ANKRD11: variants seen among roughly 807,000 people sequenced by gnomAD.
The protein encoded by ANKRD11 is ankyrin repeat domain 11, also known as ankyrin repeat domain-containing protein 11.
ANKRD11 carries 17 observed loss-of-function variants against 195.7 expected under a neutral mutation model. The ratio of observed to expected loss-of-function variants is 0.09; its 90% CI spans 0.06 to 0.13. The LOEUF (loss-of-function observed/expected upper bound fraction) is 0.13, where lower values mean the gene tolerates loss of function less well. Among genes scored for constraint, ANKRD11 ranks in the 10% least tolerant of loss-of-function variants. The pLI is 1.00. For synonymous variants in ANKRD11, 1,953 were observed against 1,528.1 expected (o/e 1.28, Z -6.49); for missense variants, 3,735 against 3,566.1 (o/e 1.05, Z -1.21).
intron 2 of ANKRD11, among the ~76,000 whole-genome samples, chr16:89,337,115 G>A (rs1388212776): frequency 1.3e-5 from 2 of 151,706 alleles, no homozygotes; most frequent in Admixed American, 6.6e-5. Context: ...GAACCTGGCA[G>A]GCACAGGCTG....
chr16:89,442,389 G>A (rs1237413449), intron 1 of ANKRD11, among the ~76,000 whole-genome samples: 1 of 152,162 alleles, frequency 6.6e-6, no homozygotes, highest in Non-Finnish European at 1.5e-5. Flanking sequence ...ATCTGTCTCA[G>A]AAAACCACCT....
intron 2 of ANKRD11, among the ~76,000 whole-genome samples, chr16:89,408,592 C>G (rs929120475): frequency 1.3e-5 from 2 of 152,210 alleles, no homozygotes; most frequent in African/African-American, 4.8e-5. Context: ...CACACACACT[C>G]AGACCCTCAG....
chr16:89,316,754 A>C (rs2036981508), intron 3 of ANKRD11, among the ~76,000 whole-genome samples, 179 bp downstream of exon 3: 1 of 152,192 alleles, frequency 6.6e-6, no homozygotes, highest in Non-Finnish European at 1.5e-5. Context: ...AATACAAAAA[A>C]AGCAAGGCCA....
At chr16:89,475,278 G>C (rs950579051) in intron 1 of ANKRD11, among the ~76,000 whole-genome samples, 2 of 152,194 alleles carry the variant, frequency 1.3e-5, no homozygotes, top group African/African-American at 4.8e-5. Flanking sequence ...CAATCATTCT[G>C]ATGATGCAGC....
At chr16:89,289,586 G>A (rs540608517) in intron 6 of ANKRD11, among the ~76,000 whole-genome samples, 1 of 152,316 alleles carries the variant, frequency 6.6e-6, no homozygotes, top group East Asian at 1.9e-4. Context: ...GTGAAGTGAG[G>A]GAGTCCAGTC....
chr16:89,351,184 C>G (rs778605368), intron 2 of ANKRD11, among the ~76,000 whole-genome samples: 1 of 152,208 alleles, frequency 6.6e-6, no homozygotes, highest in African/African-American at 2.4e-5. Flanking sequence ...TGAAGAAAAG[C>G]AGAGAGGCGG....
Position 89,284,533 on chromosome 16 carries a change from T to G in ANKRD11, c.2009A>C (p.Lys670Thr). 1 of 1,614,186 alleles carries G rather than the reference T, an allele frequency of 6.2e-7. No individual in the cohort carries two copies. Among genetic ancestry groups the G allele is most frequent in the East Asian group, 2.2e-5 (1 of 44,884 alleles). ...EYEDSKQKSD[K>T]AILLENDLST... Reference sequence around the variant, plus strand: ...AAGATCATTCTCTAACAGTATAGCCTTATCTGACTTCTGCTTGGAGTCCTC... The same window carrying G: ...AAGATCATTCTCTAACAGTATAGCCGTATCTGACTTCTGCTTGGAGTCCTC... The change falls in exon 9 of 13, where the codon AAG (lysine) becomes ACG (threonine). Residue 670 changes from lysine to threonine, a missense_variant. Transcript: ENST00000301030.
Position 89,468,204 on chromosome 16 carries a change from A to G in ANKRD11, c.-145+22041T>C, listed in dbSNP as rs150266885. 1.3e-3 allele frequency among the ~76,000 whole-genome samples: 194 copies of G among 152,316 alleles called. 1 individual carries two copies. The highest frequency in any genetic ancestry group is 4.2e-3 in the African/African-American group (174 of 41,560). Reference sequence around the variant, plus strand: ...AAAGGAAAACCAAAGCAGAAATCTAAACAATTATTTGGATGACTACAGCAA... The same window carrying G: ...AAAGGAAAACCAAAGCAGAAATCTAGACAATTATTTGGATGACTACAGCAA... On this transcript the variant is annotated intron_variant, in intron 1 of 12. Transcript: ENST00000301030.
At chr16:89,405,646 T>C (rs753095895) in intron 2 of ANKRD11, among the ~76,000 whole-genome samples, 1 of 152,022 alleles carries the variant, frequency 6.6e-6, no homozygotes. Context: ...CTAGGTAACT[T>C]TCCTATCAGC....
chr16:89,286,469 TCCA>T, intron 7 of ANKRD11: 1 of 562,372 alleles, frequency 1.8e-6, no homozygotes, highest in Non-Finnish European at 3.0e-6. Flanking sequence ...TGGATTTTTT[TCCA>T]CCATTTCTCC....
intron 9 of ANKRD11, among the ~76,000 whole-genome samples, chr16:89,275,397 G>A (rs909084701): frequency 5.9e-5 from 9 of 152,258 alleles, no homozygotes; most frequent in African/African-American, 1.9e-4. Context: ...CACCTCCACG[G>A]TGCCCCGTAC....
chr16:89,372,415 A>G (rs918630854), intron 2 of ANKRD11, among the ~76,000 whole-genome samples: 1 of 152,118 alleles, frequency 6.6e-6, no homozygotes, highest in African/African-American at 2.4e-5. Context: ...CGGGGTCGAC[A>G]AGGCAGTGGC....
intron 11 of ANKRD11, among the ~76,000 whole-genome samples, chr16:89,273,706 A>G (rs2033386948): frequency 6.6e-6 from 1 of 151,786 alleles, no homozygotes; most frequent in Non-Finnish European, 1.5e-5. Context: ...AAAAAAAAAA[A>G]GGAAAATAAA....
chr16:89,337,730 G>A (rs1029835081), intron 2 of ANKRD11, among the ~76,000 whole-genome samples: 4 of 152,156 alleles, frequency 2.6e-5, no homozygotes, highest in Admixed American at 6.5e-5. Flanking sequence ...GTAAGCCACT[G>A]TGCCCGGCCT....
At chr16:89,305,814 T>C (rs865885178) in intron 3 of ANKRD11, among the ~76,000 whole-genome samples, 1,268 of 38,344 alleles carry the variant, frequency 0.033, 39 homozygotes, top group African/African-American at 0.088. Flanking sequence ...TCCGCAGACA[T>C]GCGCCACTTA....
At chr16:89,424,479 T>G (rs539350609) in intron 1 of ANKRD11, among the ~76,000 whole-genome samples, 12 of 151,856 alleles carry the variant, frequency 7.9e-5, no homozygotes, top group Non-Finnish European at 1.3e-4. Flanking sequence ...AAGTCTCATT[T>G]CTGCTGTTCT....
At chr16:89,315,172 C>G (rs548236476) in intron 3 of ANKRD11, among the ~76,000 whole-genome samples, 9 of 152,326 alleles carry the variant, frequency 5.9e-5, no homozygotes, top group African/African-American at 1.7e-4. Context: ...ATGGAGCATG[C>G]TGAAGCCGAA....
intron 2 of ANKRD11, among the ~76,000 whole-genome samples, chr16:89,381,331 C>CAAAAAAAAAAAAAAAAA (rs10567322): frequency 5.2e-5 from 4 of 76,366 alleles, no homozygotes; most frequent in African/African-American, 2.3e-4. Flanking sequence ...GACTCTGCTG[C>CAAAAAAAAAAAAAAAAA]AAAAAAAAAA....
At chr16:89,324,605 G>A (rs775796970) in intron 2 of ANKRD11, 9 of 436,918 alleles carry the variant, frequency 2.1e-5, no homozygotes, top group Middle Eastern at 6.9e-4. Flanking sequence ...CTGCCAGCAC[G>A]GCAGATCTGC....
Sources: allele counts gnomAD v4.1 joint callset (sites outside exome capture counted in the v4.1 genomes callset), GRCh38; gene constraint gnomAD v4.1.1; transcripts MANE v1.5; gene names NCBI Gene and HGNC (gene_info 2026-07-23, HGNC 2026-07-21).